Variants in IQCK observed in about 807,000 individuals in gnomAD.
IQCK encodes the protein IQ motif containing K, also known as IQ domain-containing protein K.
A neutral mutation model predicts 28.1 loss-of-function variants in IQCK; 29 were observed. That is an observed-to-expected ratio of 1.03 (90% CI 0.77 to 1.41). IQCK has a LOEUF of 1.41. IQCK is among the 40% of genes most tolerant of loss of function. The probability of loss-of-function intolerance (pLI) is 0.00; values close to 1 mark genes in which losing one functional copy is unlikely to be tolerated. For missense variants in IQCK, 359 were observed against 314.7 expected, an observed-to-expected ratio of 1.14 and a Z score of -1.07; for synonymous variants, 113 against 115.1, an observed-to-expected ratio of 0.98 and a Z score of 0.12.
At chr16:19,718,552 G>T in intron 1 of IQCK, 65 bp downstream of exon 1, 2 of 1,414,482 alleles carry the variant, frequency 1.4e-6, no homozygotes. Flanking sequence ...CGCGTTTGGG[G>T]AGCGCCCACT....
intron 1 of IQCK, among the ~76,000 whole-genome samples, chr16:19,718,828 A>T (rs991125218): frequency 1.4e-4 from 21 of 152,200 alleles, no homozygotes; most frequent in Admixed American, 7.8e-4. Flanking sequence ...CGGGGTGGGG[A>T]TCTTGTTATA....
downstream of IQCK, among the ~76,000 whole-genome samples, chr16:19,832,008 A>G (rs555399701): frequency 6.6e-6 from 1 of 152,308 alleles, no homozygotes; most frequent in East Asian, 1.9e-4. Flanking sequence ...TAAGAATTTC[A>G]GCCAATGTAG....
intron 9 of IQCK, among the ~76,000 whole-genome samples, chr16:19,832,197 T>C (rs1051647928): frequency 1.3e-5 from 2 of 152,004 alleles, no homozygotes; most frequent in African/African-American, 4.8e-5. Context: ...ATAGAAATTG[T>C]TCCCATAACA....
In IQCK at chr16:19,718,498, T is replaced by A; in HGVS notation, c.181+11T>A. 6.3e-7 allele frequency: 1 copy of A among 1,587,910 alleles called. No homozygotes were observed. Among genetic ancestry groups the A allele is most frequent in the Non-Finnish European group, 8.6e-7 (1 of 1,168,126 alleles). On this transcript the variant is annotated intron_variant, in intron 1 of 7. Transcript: ENST00000564186. The stretch of plus-strand genomic sequence containing the variant: ...AGCAGATCTGCAAGGGTAGGAAACC[T>A]GGGCTGGCCGAGAGGGGCGGGACCC...
At chr16:19,756,586 C>A (rs1202448459) in intron 4 of IQCK, among the ~76,000 whole-genome samples, 1 of 151,962 alleles carries the variant, frequency 6.6e-6, no homozygotes, top group East Asian at 1.9e-4. Flanking sequence ...GATTCGTGTC[C>A]TTATAAAAGA....
At position 19,825,778 on chromosome 16, in the gene IQCK, A is replaced by T. The variant is rs1244358674; in HGVS notation, c.691-1248A>T. On this transcript the variant is annotated intron_variant, in intron 7 of 7. Transcript: ENST00000564186. The surrounding 1 kb of genome is among the most constrained non-coding windows in gnomAD (Gnocchi z 4.2). ...AATAATTATTGTTGAAATTACTATT[A>T]TTCATCTCTTTAATCTCAACGTCTA... Among the ~76,000 whole-genome samples, 1 of 152,254 alleles carries T rather than the reference A, an allele frequency of 6.6e-6. No individual in the cohort carries two copies. The highest frequency in any genetic ancestry group is 1.5e-5 in the Non-Finnish European group (1 of 68,052).
intron 1 of IQCK, among the ~76,000 whole-genome samples, chr16:19,718,781 C>G (rs1231856927): frequency 6.8e-6 from 1 of 147,018 alleles, no homozygotes; most frequent in African/African-American, 2.5e-5. Context: ...TCTTAAACCT[C>G]GGTTAGTGAA....
intron 7 of IQCK, among the ~76,000 whole-genome samples, chr16:19,811,809 C>T (rs560172722): frequency 6.6e-6 from 1 of 152,022 alleles, no homozygotes; most frequent in Non-Finnish European, 1.5e-5. Flanking sequence ...GAACAGTGTT[C>T]CCCAAACTTT....
At chr16:19,798,519 C>T (rs554939511) in intron 7 of IQCK, among the ~76,000 whole-genome samples, 1 of 83,530 alleles carries the variant, frequency 1.2e-5, no homozygotes, top group Non-Finnish European at 1.8e-5. Context: ...TTATTACTGG[C>T]ACACAAAGGA....
At chr16:19,801,322 A>T in intron 7 of IQCK, among the ~76,000 whole-genome samples, 1 of 110,040 alleles carries the variant, frequency 9.1e-6, no homozygotes, top group South Asian at 2.9e-4. Flanking sequence ...TTTTTTTATG[A>T]GACAGGATCT....
intron 4 of IQCK, among the ~76,000 whole-genome samples, chr16:19,741,794 C>G (rs1337132354): frequency 6.6e-6 from 1 of 152,108 alleles, no homozygotes; most frequent in East Asian, 1.9e-4. Context: ...CGAGACCAGC[C>G]TGGGCAACAT....
chr16:19,778,952 A>G (rs2055436712), intron 6 of IQCK, among the ~76,000 whole-genome samples: 1 of 152,178 alleles, frequency 6.6e-6, no homozygotes, highest in African/African-American at 2.4e-5. Context: ...CTACTGCGAG[A>G]AATTACCACA....
intron 1 of IQCK, among the ~76,000 whole-genome samples, chr16:19,724,312 T>G (rs1977587447): frequency 6.6e-6 from 1 of 152,096 alleles, no homozygotes; most frequent in Non-Finnish European, 1.5e-5. Context: ...CAGCAATACT[T>G]TCACTTATCA....
At chr16:19,768,796 C>G (rs957250572) in intron 6 of IQCK, among the ~76,000 whole-genome samples, 2 of 152,136 alleles carry the variant, frequency 1.3e-5, no homozygotes, top group Non-Finnish European at 2.9e-5. Flanking sequence ...ACTTACTGAT[C>G]CTATGATCTT....
intron 7 of IQCK, among the ~76,000 whole-genome samples, chr16:19,805,046 G>T (rs553978221): frequency 6.6e-6 from 1 of 152,108 alleles, no homozygotes; most frequent in Non-Finnish European, 1.5e-5. Context: ...TTCCAGGAAG[G>T]GGGGTGGGGG....
intron 7 of IQCK, among the ~76,000 whole-genome samples, chr16:19,820,648 CAAAAAAA>C (rs35161795): frequency 1.8e-5 from 2 of 109,088 alleles, no homozygotes; most frequent in South Asian, 5.6e-4. Context: ...AACTCTGTAT[CAAAAAAA>C]AAAAAAAAAA....
intron 7 of IQCK, among the ~76,000 whole-genome samples, chr16:19,815,910 T>C (rs2055982845): frequency 6.6e-6 from 1 of 152,212 alleles, no homozygotes; most frequent in African/African-American, 2.4e-5. Context: ...TTTTCTTGAG[T>C]ATAAAATCCT....
At chr16:19,777,372 A>G (rs1216485472) in intron 6 of IQCK, among the ~76,000 whole-genome samples, 1 of 152,182 alleles carries the variant, frequency 6.6e-6, no homozygotes, top group Non-Finnish European at 1.5e-5. Context: ...CTACCTTCAG[A>G]GTGGCACAAA....
chr16:19,826,204 C>T (rs895826485), intron 7 of IQCK, among the ~76,000 whole-genome samples: 28 of 151,944 alleles, frequency 1.8e-4, no homozygotes, highest in African/African-American at 4.6e-4. Context: ...GATGACGTCT[C>T]ACTATGTTGC....
Sources: gnomAD v4.1 joint callset for allele counts (sites outside exome capture counted in the v4.1 genomes callset) on GRCh38, gnomAD v4.1.1 for gene constraint, Gnocchi (gnomAD v3.1) non-coding constraint, MANE v1.5 for transcripts, NCBI Gene and HGNC (gene_info 2026-07-23, HGNC 2026-07-21) for gene names.